Variants in DGKZ observed in about 807,000 individuals in gnomAD.
The protein encoded by DGKZ is DAG kinase zeta.
A neutral mutation model predicts 142.5 loss-of-function variants in DGKZ; 45 were observed. The observed-to-expected ratio is 0.32, with a 90% CI of 0.25 to 0.40. The LOEUF (loss-of-function observed/expected upper bound fraction) is 0.40, where lower values mean the gene tolerates loss of function less well. DGKZ is among the 10% of genes least tolerant of loss of function. The pLI is 1.00. For missense variants in DGKZ, 755 were observed against 1,306.5 expected (o/e 0.58, Z 6.51); for synonymous variants, 442 against 527.0 (o/e 0.84, Z 2.21).
At chr11:46,363,367 C>T (rs1461788196) in intron 1 of DGKZ, among the ~76,000 whole-genome samples, 1 of 152,230 alleles carries the variant, frequency 6.6e-6, no homozygotes. Flanking sequence ...CTCTGACAGC[C>T]TCCCCAGACA....
chr11:46,363,713 C>T (rs1045204636), intron 1 of DGKZ, among the ~76,000 whole-genome samples: 5 of 152,220 alleles, frequency 3.3e-5, no homozygotes, highest in African/African-American at 7.2e-5. Flanking sequence ...TAGCATCAGG[C>T]GGTGTGTCCG....
At position 46,379,120 on chromosome 11, in the gene DGKZ, G is replaced by A; in HGVS notation, c.2539+9G>A. On this transcript the variant is annotated intron_variant, in intron 28 of 30. Transcript: ENST00000527911. ...CTACCTGCTGGACCACGGTGAGCCG[G>A]GCAGTGGAGCCCAGGGCCTGGGGCC... The A allele has an allele frequency of 6.2e-7, 1 of 1,609,664 alleles. No individual in the cohort carries two copies. Among genetic ancestry groups the A allele is most frequent in the Non-Finnish European group, 8.5e-7 (1 of 1,179,372 alleles).
intron 1 of DGKZ, among the ~76,000 whole-genome samples, chr11:46,356,108 G>C (rs1941994749): frequency 6.6e-6 from 1 of 152,208 alleles, no homozygotes; most frequent in Non-Finnish European, 1.5e-5. Context: ...GGGAATGGGA[G>C]CCCTCTGCAG....
chr11:46,373,298 T>G (rs1944179756), intron 14 of DGKZ, among the ~76,000 whole-genome samples, 197 bp downstream of exon 14: 2 of 143,438 alleles, frequency 1.4e-5, no homozygotes, highest in Admixed American at 6.9e-5. Flanking sequence ...TTTTTTTTTT[T>G]TTTTTTGAGA....
At chr11:46,357,642 G>T (rs754311508) in intron 1 of DGKZ, among the ~76,000 whole-genome samples, 1 of 152,248 alleles carries the variant, frequency 6.6e-6, no homozygotes, top group African/African-American at 2.4e-5. Context: ...GCACCATGCC[G>T]GGCATGCCCA....
chr11:46,365,713 C>T (rs1943173746), intron 1 of DGKZ: 1 of 985,316 alleles, frequency 1.0e-6, no homozygotes, highest in Non-Finnish European at 1.2e-6. Flanking sequence ...GCTTGGTTTG[C>T]TCCATGTCCC....
At chr11:46,370,139 G>T in intron 6 of DGKZ, 130 bp downstream of exon 6, 2 of 1,129,474 alleles carry the variant, frequency 1.8e-6, no homozygotes, top group East Asian at 5.0e-5. Flanking sequence ...CCTCAGCCTG[G>T]CTGCAGTGCC....
intron 1 of DGKZ, among the ~76,000 whole-genome samples, chr11:46,353,204 G>A (rs796685027): frequency 1.6e-4 from 25 of 152,270 alleles, no homozygotes; most frequent in African/African-American, 6.0e-4. Flanking sequence ...GAAAACCAAG[G>A]CTCAGAAAGG....
rs1942431362 is a variant in DGKZ at position 46,359,773 on chromosome 11, T to TA, written c.162-7518_162-7517insA. Among the ~76,000 whole-genome samples, 4 of 147,222 alleles carry TA rather than the reference T, an allele frequency of 2.7e-5. No individual in the cohort carries two copies. The South Asian group carries it at 8.5e-4, about 31-fold the overall frequency. ...CACCTGCCATCATGCCCGGCTAATTTTTTTTTTTTTTTTTTTGTATTGTTA... is the reference window on the plus strand; with the variant it reads ...CACCTGCCATCATGCCCGGCTAATTTATTTTTTTTTTTTTTTTGTATTGTTA... On this transcript the variant is annotated intron_variant, in intron 1 of 30. Coordinates refer to ENST00000527911, the Ensembl canonical transcript of DGKZ.
intron 1 of DGKZ, among the ~76,000 whole-genome samples, chr11:46,338,256 G>A (rs1940104838): frequency 1.3e-5 from 2 of 152,082 alleles, no homozygotes; most frequent in Admixed American, 6.6e-5. Flanking sequence ...CCGCACTTTG[G>A]GAGGCTGAGG....
At chr11:46,348,673 A>G (rs1940979882) in intron 1 of DGKZ, among the ~76,000 whole-genome samples, 1 of 152,154 alleles carries the variant, frequency 6.6e-6, no homozygotes. Flanking sequence ...GAGAGTGTGG[A>G]AAGACTGAGT....
Position 46,372,208 on chromosome 11 carries a change from G to A in DGKZ, c.927+38G>A, listed in dbSNP as rs555179102. ...TTGCCTCTCAGCTAAGGGCTCGGGC[G>A]GGGGTTGGGGTCCAGCCCGTCTGCC... On this transcript the variant is annotated intron_variant, in intron 10 of 30. Transcript: ENST00000527911. The surrounding 1 kb of genome is among the most constrained non-coding windows in gnomAD (Gnocchi z 5.9). The A allele has an allele frequency of 5.0e-5, 76 of 1,532,298 alleles. No individual in the cohort carries two copies. The African/African-American group carries it at 8.5e-4, about 17-fold the overall frequency. The allele number at this position is 1,532,298 out of a possible 1,614,324, so 94.9% of individuals were successfully genotyped here.
At chr11:46,379,350 C>T (rs1201770715) in intron 29 of DGKZ, 114 bp downstream of exon 29, 1 of 1,573,002 alleles carries the variant, frequency 6.4e-7, no homozygotes, top group East Asian at 2.2e-5. Flanking sequence ...CTGTCATCCC[C>T]TGGGCCACCC....
At chr11:46,365,302 A>T in intron 1 of DGKZ, 1 of 985,372 alleles carries the variant, frequency 1.0e-6, no homozygotes, top group African/African-American at 1.7e-5. Context: ...CATCAGGAGC[A>T]GAGTCAGAAG....
chr11:46,366,310 G>A lies in DGKZ; in HGVS notation c.162-981G>A, dbSNP rs1466636986. On this transcript the variant is annotated intron_variant, in intron 1 of 30. Coordinates refer to ENST00000527911, the Ensembl canonical transcript of DGKZ. The stretch of plus-strand genomic sequence containing the variant: ...GGGGGAAGGTGCCAGGCCCTGGAGA[G>A]GGGCAGCAGCGGCCCAGCAGCGTGG... 6 of 1,580,298 alleles carry A rather than the reference G, an allele frequency of 3.8e-6. No homozygotes were observed. In the Admixed American group the frequency reaches 7.0e-5, roughly 19 times the overall value.
intron 1 of DGKZ, chr11:46,364,212 C>T (rs1383625512): frequency 8.4e-6 from 2 of 238,214 alleles, no homozygotes; most frequent in Admixed American, 6.5e-5. Flanking sequence ...CCAGCACTGA[C>T]TCCACACTGA....
At position 46,367,677 on chromosome 11, in the gene DGKZ, T is replaced by C. The variant is rs762704200; in HGVS notation, c.296T>C (p.Ile99Thr). 1 of 1,608,506 alleles carries C rather than the reference T, an allele frequency of 6.2e-7. No homozygotes were observed. The highest frequency in any genetic ancestry group is 8.5e-7 in the Non-Finnish European group (1 of 1,177,094). Residue 99 changes from isoleucine to threonine, a missense_variant, in exon 3 of 31, where the codon ATC (isoleucine) becomes ACC (threonine). This residue lies in a region of DGKZ where 81 missense variants were observed against 86.5 expected (regional missense o/e 0.94). Coordinates refer to ENST00000527911, the Ensembl canonical transcript of DGKZ. This position sits in a 1 kb window ranked among gnomAD's most constrained non-coding sequence, Gnocchi z 4.1. ...GAGTCAGCGACATATGGGGAGCACA[T>C]CTGGTTCGAGACCAACGTGTCCGGG...
At chr11:46,350,928 C>G (rs1941305692) in intron 1 of DGKZ, among the ~76,000 whole-genome samples, 1 of 151,738 alleles carries the variant, frequency 6.6e-6, no homozygotes, top group African/African-American at 2.4e-5. Context: ...CAACTGCATC[C>G]CACCTTACTT....
intron 1 of DGKZ, among the ~76,000 whole-genome samples, chr11:46,340,946 T>G (rs901740890): frequency 2.0e-5 from 3 of 152,212 alleles, no homozygotes; most frequent in Non-Finnish European, 2.9e-5. Context: ...GCCAGGAGTA[T>G]GAGACCAGCC....
Sources: gnomAD v4.1 joint callset for allele counts (sites outside exome capture counted in the v4.1 genomes callset) on GRCh38, gnomAD v4.1.1 for gene constraint, gnomAD v4.1.1 regional missense constraint, Gnocchi (gnomAD v3.1) non-coding constraint, MANE v1.5 for transcripts, NCBI Gene and HGNC (gene_info 2026-07-23, HGNC 2026-07-21) for gene names.